CEP68: variants seen among roughly 807,000 people sequenced by gnomAD.
The protein encoded by CEP68 is centrosomal protein 68.
Under a neutral mutation model 55.3 loss-of-function variants are expected in CEP68, and 26 were observed. The observed-to-expected ratio is 0.47, with a 90% CI of 0.34 to 0.65. The LOEUF is 0.65. Among genes scored for constraint, CEP68 ranks in the 30% least tolerant of loss-of-function variants. CEP68 has a pLI of 0.01. For synonymous variants in CEP68, 402 were observed against 383.2 expected (o/e 1.05, Z -0.57); for missense variants, 957 against 946.7 (o/e 1.01, Z -0.14).
chr2:65,058,510 T>A (rs1036452664), intron 1 of CEP68, among the ~76,000 whole-genome samples: 1 of 137,766 alleles, frequency 7.3e-6, no homozygotes, highest in African/African-American at 2.8e-5. Context: ...TTTTTTTTTT[T>A]TTTTTTTTTT....
At chr2:65,074,905 T>C (rs1391368648) in intron 4 of CEP68, 1 of 197,968 alleles carries the variant, frequency 5.1e-6, no homozygotes, top group Non-Finnish European at 1.0e-5. Flanking sequence ...TGTATGGCTA[T>C]TGAAGTAAAA....
intron 1 of CEP68, among the ~76,000 whole-genome samples, chr2:65,061,235 C>G (rs1251445556): frequency 2.0e-5 from 3 of 152,258 alleles, no homozygotes; most frequent in African/African-American, 7.2e-5. Flanking sequence ...GAACATTGGC[C>G]TTGCTGGGAG....
chr2:65,073,312 C>A, intron 3 of CEP68: 1 of 380,500 alleles, frequency 2.6e-6, no homozygotes, highest in South Asian at 2.2e-5. Context: ...CAGAGGTATT[C>A]TGAACAAAAA....
rs760809283 is a variant in CEP68, at chr2:65,072,840, G to C, written c.1744G>C (p.Val582Leu). The C allele has an allele frequency of 6.2e-7, 1 of 1,614,066 alleles. No homozygotes were observed. The highest frequency in any genetic ancestry group is 8.5e-7 in the Non-Finnish European group (1 of 1,180,052). The change falls in exon 3 of 7, where the codon GTC (valine) becomes CTC (leucine). Residue 582 changes from valine (V) to leucine (L), a missense_variant. Coordinates refer to ENST00000377990, the MANE Select transcript of CEP68 (RefSeq NM_015147.3). ...TCTGGGGAGCAGCCAGGCCCTCGGGGTCTCCTCTGGACTGCTGAAAACACG... is the reference window on the plus strand; with the variant it reads ...TCTGGGGAGCAGCCAGGCCCTCGGGCTCTCCTCTGGACTGCTGAAAACACG... ...GSLGSSQALG[V>L]SSGLLKTRPS...
intron 1 of CEP68, among the ~76,000 whole-genome samples, chr2:65,065,743 C>T (rs532296934): frequency 6.6e-5 from 10 of 151,888 alleles, no homozygotes; most frequent in South Asian, 2.1e-4. Context: ...CCAACTAGGG[C>T]GGATCATTTG....
intron 4 of CEP68, chr2:65,075,353 A>G (rs2103786127): frequency 6.6e-6 from 1 of 152,282 alleles, no homozygotes; most frequent in East Asian, 1.9e-4. Context: ...CAGTGAGCCA[A>G]AATCACACCA....
In CEP68 at chr2:65,066,236, G is replaced by A. The variant is rs79683165; in HGVS notation, c.-46-3163G>A. On this transcript the variant is annotated intron_variant, in intron 1 of 6. Coordinates refer to ENST00000377990, the MANE Select transcript of CEP68 (RefSeq NM_015147.3). ...TCATCCAGGCAGACATGGGGAGAAT[G>A]TGCACACTCCATACAGACAGTGACC... 0.022 allele frequency among the ~76,000 whole-genome samples: 3,336 copies of A among 152,266 alleles called. 202 individuals carry two copies. The East Asian group carries it at 0.23, about 10-fold the overall frequency.
rs201912409 is a variant in CEP68, at chr2:65,073,001, G to A, written c.1884+21G>A. On this transcript the variant is annotated intron_variant, in intron 3 of 6. Transcript: ENST00000377990. Reference sequence around the variant, plus strand: ...TGAAGGTAATGACACTCAACGTTAGGAAGCTTTGTGTACAGGTGTCTTGTC... The same window carrying A: ...TGAAGGTAATGACACTCAACGTTAGAAAGCTTTGTGTACAGGTGTCTTGTC... The A allele has an allele frequency of 7.1e-4, 1,150 of 1,613,274 alleles. 4 individuals carry two copies. The highest frequency in any genetic ancestry group is 9.9e-4 in the Middle Eastern group (6 of 6,062).
At position 65,074,326 on chromosome 2, in the gene CEP68, T is replaced by A; in HGVS notation, c.1929T>A (p.Asn643Lys). The change falls in exon 4 of 7, where the codon AAT becomes AAA. Residue 643 changes from asparagine (N) to lysine (K), a missense_variant. By Grantham distance (94) the Asn-to-Lys change is moderately conservative. Transcript: ENST00000377990. ...QLEELICWLY[N>K]VADVTDHGTA... Reference sequence around the variant, plus strand: ...AAGAGCTGATCTGCTGGCTGTATAATGTTGCAGATGTTACTGACCACGGGA... The same window carrying A: ...AAGAGCTGATCTGCTGGCTGTATAAAGTTGCAGATGTTACTGACCACGGGA... The A allele has an allele frequency of 6.2e-7, 1 of 1,614,240 alleles. No individual in the cohort carries two copies.
rs567485896 is a variant in CEP68, at chr2:65,086,763, A to G, written c.*3129A>G. 7.2e-5 allele frequency: 11 copies of G among 152,786 alleles called. No homozygotes were observed. Among genetic ancestry groups the G allele is most frequent in the Admixed American group, 5.2e-4 (8 of 15,304 alleles). 9.5% of individuals were successfully genotyped at this position (152,786 alleles called of 1,614,324 possible). Reference sequence around the variant, plus strand: ...GCAAAAACAAAACTTCTGAAGCATTAAAGATCTTCACCAAAATAACTATTG... The same window carrying G: ...GCAAAAACAAAACTTCTGAAGCATTGAAGATCTTCACCAAAATAACTATTG... On this transcript the variant is annotated 3_prime_UTR_variant, in exon 7 of 7. Coordinates refer to ENST00000377990, the MANE Select transcript of CEP68 (RefSeq NM_015147.3).
Position 65,072,859 on chromosome 2 carries a change from A to G in CEP68, c.1763A>G (p.Lys588Arg), listed in dbSNP as rs777581383. 1.2e-6 allele frequency: 2 copies of G among 1,614,182 alleles called. No individual in the cohort carries two copies. Among genetic ancestry groups the G allele is most frequent in the Non-Finnish European group, 1.7e-6 (2 of 1,180,048 alleles). ...QALGVSSGLLKTRPSLPARLD... is the reference protein window; with the variant it reads ...QALGVSSGLLRTRPSLPARLD... The stretch of plus-strand genomic sequence containing the variant: ...CTCGGGGTCTCCTCTGGACTGCTGA[A>G]AACACGCCCCTCCTTGCCAGCTAGG... Residue 588 changes from lysine (K) to arginine (R), a missense_variant, in exon 3 of 7, where the codon AAA becomes AGA. By Grantham distance (26) the Lys-to-Arg change is conservative. Coordinates refer to ENST00000377990, the MANE Select transcript of CEP68 (RefSeq NM_015147.3).
intron 4 of CEP68, chr2:65,074,819 G>A (rs945075332): frequency 6.3e-5 from 16 of 254,270 alleles, no homozygotes; most frequent in Admixed American, 2.1e-4. Flanking sequence ...ATACTTTAGG[G>A]TGATTTGCAA....
Position 65,068,163 on chromosome 2 carries a change from C to G in CEP68, c.-46-1236C>G, listed in dbSNP as rs79664468. Among the ~76,000 whole-genome samples the G allele has an allele frequency of 0.022, 3,353 of 152,278 alleles. 205 individuals are homozygous for G. The East Asian group carries it at 0.23, about 10-fold the overall frequency. ...GCCGACATCCTGGGCATTCACGGTT[C>G]CGTTACCTCCCCTTCCACATCCTCC... On this transcript the variant is annotated intron_variant, in intron 1 of 6. Transcript: ENST00000377990.
intron 5 of CEP68, among the ~76,000 whole-genome samples, chr2:65,081,686 G>A (rs752842986): frequency 1.5e-4 from 22 of 151,104 alleles, no homozygotes; most frequent in Non-Finnish European, 2.4e-4. Flanking sequence ...GACTGCTTTC[G>A]GGTCATTTTT....
intron 3 of CEP68, chr2:65,073,791 TTTGTC>T (rs879325880): frequency 6.2e-6 from 1 of 161,288 alleles, no homozygotes; most frequent in Non-Finnish European, 1.4e-5. Flanking sequence ...ACGTGGTTAT[TTTGTC>T]TTGTGAGGTA....
chr2:65,065,562 A>T (rs1439013786), intron 1 of CEP68, among the ~76,000 whole-genome samples: 3 of 152,242 alleles, frequency 2.0e-5, no homozygotes, highest in Non-Finnish European at 2.9e-5. Flanking sequence ...CTCCTATGGC[A>T]TATTTCTGGT....
At chr2:65,078,161 A>C (rs1676848877) in intron 5 of CEP68, among the ~76,000 whole-genome samples, 197 bp downstream of exon 5, 1 of 152,218 alleles carries the variant, frequency 6.6e-6, no homozygotes, top group African/African-American at 2.4e-5. Context: ...GCTTAGAGGC[A>C]GTCATGGTTA....
chr2:65,060,057 G>A (rs1294784044), intron 1 of CEP68, among the ~76,000 whole-genome samples: 1 of 151,870 alleles, frequency 6.6e-6, no homozygotes, highest in Non-Finnish European at 1.5e-5. Flanking sequence ...ATACTTTGAT[G>A]TAATAAGATT....
rs753017494 is a variant in CEP68, at chr2:65,072,050, C to A, written c.954C>A (p.His318Gln). 16 of 1,613,720 alleles carry A rather than the reference C, an allele frequency of 9.9e-6. No individual in the cohort carries two copies. ...PLRPGPQLPK[H>Q]LDSRVPADPV... ...GGCCCGGGCCTCAGCTCCCAAAGCACCTTGATAGCCGTGTGCCAGCTGACC... is the reference window on the plus strand; with the variant it reads ...GGCCCGGGCCTCAGCTCCCAAAGCAACTTGATAGCCGTGTGCCAGCTGACC... The change falls in exon 3 of 7, where the codon CAC becomes CAA. Residue 318 changes from histidine to glutamine, a missense_variant. His to Gln is a conservative substitution (Grantham distance 24, BLOSUM62 0). Transcript: ENST00000377990.
Sources: gnomAD v4.1 joint callset for allele counts (sites outside exome capture counted in the v4.1 genomes callset) on GRCh38, gnomAD v4.1.1 for gene constraint, MANE v1.5 for transcripts, NCBI Gene and HGNC (gene_info 2026-07-23, HGNC 2026-07-21) for gene names.